The following RNF150 variants were observed in gnomAD, a reference collection of about 807,000 sequenced individuals.
RNF150 encodes ring finger protein 150.
In RNF150, 24 loss-of-function variants were observed where a neutral mutation model predicts 39.3. The ratio of observed to expected loss-of-function variants is 0.61; its 90% CI spans 0.44 to 0.86. The LOEUF (loss-of-function observed/expected upper bound fraction) is 0.86. Among genes scored for constraint, RNF150 ranks in the 40% least tolerant of loss-of-function variants. The probability of loss-of-function intolerance (pLI) is 0.00; values close to 1 mark genes in which losing one functional copy is unlikely to be tolerated. For missense variants in RNF150, 502 were observed against 587.8 expected (o/e 0.85, Z 1.51); for synonymous variants, 255 against 227.3 (o/e 1.12, Z -1.10).
intron 1 of RNF150, among the ~76,000 whole-genome samples, chr4:141,062,104 C>T (rs1560716129): frequency 6.6e-6 from 1 of 152,082 alleles, no homozygotes; most frequent in Non-Finnish European, 1.5e-5. Flanking sequence ...CACTTTCATA[C>T]TACAGCAGAG....
At position 141,140,268 on chromosome 4, in the gene RNF150, C is replaced by T. The variant is rs567217574; in HGVS notation, c.-6+72526G>A. Among the ~76,000 whole-genome samples the T allele has an allele frequency of 1.3e-4, 20 of 152,190 alleles. No individual in the cohort carries two copies. The South Asian group carries it at 3.7e-3, about 28-fold the overall frequency. ...AATAGGATACCTTGCTAAAAATATCCTTTTTTCTTTTTTGCTCCTTTGAAT... is the reference window on the plus strand; with the variant it reads ...AATAGGATACCTTGCTAAAAATATCTTTTTTTCTTTTTTGCTCCTTTGAAT... On this transcript the variant is annotated intron_variant, in intron 1 of 7. Coordinates refer to the RNF150 transcript ENST00000420921.
intron 5 of RNF150, among the ~76,000 whole-genome samples, chr4:140,918,036 A>G (rs1730920693): frequency 6.6e-6 from 1 of 151,914 alleles, no homozygotes; most frequent in African/African-American, 2.4e-5. Flanking sequence ...GGACACATTC[A>G]AAGCAGTGTG....
intron 1 of RNF150, among the ~76,000 whole-genome samples, chr4:141,067,785 G>T (rs913081434): frequency 6.6e-6 from 1 of 152,102 alleles, no homozygotes; most frequent in African/African-American, 2.4e-5. Context: ...TTCTCATAAA[G>T]ACTTTTTATG....
intron 4 of RNF150, among the ~76,000 whole-genome samples, chr4:140,930,427 C>T (rs1225484931): frequency 6.6e-6 from 1 of 152,228 alleles, no homozygotes; most frequent in East Asian, 1.9e-4. Flanking sequence ...AGGACACAAG[C>T]TGTAGGAGAA....
intron 1 of RNF150, among the ~76,000 whole-genome samples, chr4:141,111,209 T>C (rs1183110466): frequency 1.3e-5 from 2 of 152,308 alleles, no homozygotes; most frequent in Non-Finnish European, 2.9e-5. Flanking sequence ...CTAAGTGAGT[T>C]TTCCTCCCAA....
intron 1 of RNF150, among the ~76,000 whole-genome samples, chr4:141,081,178 AT>A (rs144650698): frequency 0.022 from 3,297 of 152,274 alleles, 141 homozygotes; most frequent in African/African-American, 0.076. Flanking sequence ...GGACAATTTT[AT>A]TTTACAAAAA....
chr4:140,906,930 A>AATCT (rs1730399668), intron 6 of RNF150, among the ~76,000 whole-genome samples: 2 of 152,112 alleles, frequency 1.3e-5, no homozygotes, highest in African/African-American at 4.8e-5. Flanking sequence ...CGAGGTCAAC[A>AATCT]ATCTCCTTGA....
At chr4:141,191,979 T>G (rs931832092) in intron 1 of RNF150, among the ~76,000 whole-genome samples, 1 of 152,130 alleles carries the variant, frequency 6.6e-6, no homozygotes, top group Non-Finnish European at 1.5e-5. Context: ...CTGCTCCTAA[T>G]TCCCATCCTC....
intron 1 of RNF150, among the ~76,000 whole-genome samples, chr4:141,039,777 C>T (rs1466894376): frequency 6.6e-6 from 1 of 152,204 alleles, no homozygotes; most frequent in Admixed American, 6.5e-5. Flanking sequence ...TGATGATTTC[C>T]CCAGAGTCCC....
intron 1 of RNF150, among the ~76,000 whole-genome samples, chr4:141,204,043 T>G (rs1728336803): frequency 6.6e-6 from 1 of 152,126 alleles, no homozygotes; most frequent in Non-Finnish European, 1.5e-5. Context: ...CAGCTCATTG[T>G]GGATAAAGAC....
At chr4:141,119,558 G>T (rs1297717763) in intron 1 of RNF150, among the ~76,000 whole-genome samples, 1 of 152,162 alleles carries the variant, frequency 6.6e-6, no homozygotes, top group Non-Finnish European at 1.5e-5. Flanking sequence ...TCTATAGAAA[G>T]TCCCCCTGCT....
chr4:141,164,282 C>T (rs1166942375), intron 1 of RNF150, among the ~76,000 whole-genome samples: 6 of 151,720 alleles, frequency 4.0e-5, no homozygotes, highest in African/African-American at 1.5e-4. Context: ...ACAAACAAAG[C>T]CTCCAAGAAA....
chr4:141,126,391 C>T (rs534932506), intron 1 of RNF150, among the ~76,000 whole-genome samples: 1 of 152,304 alleles, frequency 6.6e-6, no homozygotes, highest in Non-Finnish European at 1.5e-5. Flanking sequence ...CCAGAGAAAG[C>T]TTACCCTTTC....
intron 1 of RNF150, among the ~76,000 whole-genome samples, chr4:141,072,926 A>G (rs192358320): frequency 6.6e-6 from 1 of 152,296 alleles, no homozygotes; most frequent in East Asian, 1.9e-4. Context: ...TCTACACTGG[A>G]AATTCCCACC....
At chr4:141,035,972 G>T (rs1224153526) in intron 1 of RNF150, among the ~76,000 whole-genome samples, 1 of 151,824 alleles carries the variant, frequency 6.6e-6, no homozygotes, top group Non-Finnish European at 1.5e-5. Flanking sequence ...CATCTTAAAA[G>T]ATATAAAAGA....
chr4:141,087,119 T>C (rs1241289675), intron 1 of RNF150, among the ~76,000 whole-genome samples: 2 of 152,196 alleles, frequency 1.3e-5, no homozygotes, highest in African/African-American at 4.8e-5. Context: ...TAGTTATCTT[T>C]TCTGCTCCTC....
At position 140,868,268 on chromosome 4, in the gene RNF150, T is replaced by G. The variant is rs1390910941; in HGVS notation, c.1310A>C (p.Lys437Thr). 6.4e-6 allele frequency: 10 copies of G among 1,574,290 alleles called. No homozygotes were observed. Among genetic ancestry groups the G allele is most frequent in the Non-Finnish European group, 8.7e-6 (10 of 1,144,072 alleles). The change falls in exon 7 of 7, where the codon AAA becomes ACA. Residue 437 changes from lysine (K) to threonine (T), a missense_variant. Transcript: ENST00000515673. Reference protein sequence around the residue: ...LSTDQDCEEVKS With the variant: ...LSTDQDCEEVTS ...GCTTCTGGATTTGTCGTTTCAAGAT[T>G]TCACTTCTTCACAGTCCTGGTCAGT... is the stretch of plus-strand genomic sequence containing the variant.
intron 5 of RNF150, among the ~76,000 whole-genome samples, chr4:140,917,564 G>C (rs1330457864): frequency 1.3e-5 from 2 of 152,136 alleles, no homozygotes; most frequent in Non-Finnish European, 2.9e-5. Flanking sequence ...CCTACAAAGA[G>C]ACTTAGACTC....
rs1380422194 is a variant in RNF150 at position 140,899,063 on chromosome 4, T to G, written c.1198+12081A>C. On this transcript the variant is annotated intron_variant, in intron 6 of 6. Coordinates refer to ENST00000515673, the MANE Select transcript of RNF150 (RefSeq NM_020724.2). The stretch of plus-strand genomic sequence containing the variant: ...TGTTGTTGGCTCATAGGCACACGTA[T>G]TGTTTCCCTGTATGATTTTACTAAT... Among the ~76,000 whole-genome samples the G allele has an allele frequency of 4.6e-5, 7 of 152,296 alleles. No homozygotes were observed. In the South Asian group the frequency reaches 1.5e-3, roughly 32 times the overall value.
Sources: gnomAD v4.1 joint callset for allele counts (sites outside exome capture counted in the v4.1 genomes callset) on GRCh38, gnomAD v4.1.1 for gene constraint, MANE v1.5 for transcripts, NCBI Gene and HGNC (gene_info 2026-07-23, HGNC 2026-07-21) for gene names.